Variants in CFHR3 observed in about 807,000 individuals in gnomAD.
CFHR3 encodes complement factor H-related protein 3.
A neutral mutation model predicts 36.0 loss-of-function variants in CFHR3; 22 were observed. The observed-to-expected ratio is 0.61, with a 90% CI of 0.44 to 0.87. CFHR3 has a LOEUF of 0.87. Among genes scored for constraint, CFHR3 ranks in the 40% least tolerant of loss-of-function variants. CFHR3 has a pLI of 0.00. For synonymous variants in CFHR3, 97 were observed against 137.4 expected (o/e 0.71, Z 2.06); for missense variants, 276 against 401.3 (o/e 0.69, Z 2.67).
At chr1:196,779,097 T>C (rs1653841666) in intron 1 of CFHR3, 65 bp from the exon 2 acceptor site, 1 of 1,231,006 alleles carries the variant, frequency 8.1e-7, no homozygotes, top group African/African-American at 1.9e-5. Flanking sequence ...TATCAAAATT[T>C]ATCTCTAATA....
At position 196,787,821 on chromosome 1, in the gene CFHR3, G is replaced by C. The variant is rs574998804; in HGVS notation, c.431-395G>C. ...TGGTAGCAGGGTGTACCGTATCTTT[G>C]CCTGGGAAATGGCATTTGACTTAAT... On this transcript the variant is annotated intron_variant, in intron 3 of 5. Coordinates refer to ENST00000367425, the MANE Select transcript of CFHR3 (RefSeq NM_021023.6). Among the ~76,000 whole-genome samples the C allele has an allele frequency of 1.5e-3, 212 of 136,808 alleles. 27 individuals carry two copies. Among genetic ancestry groups the C allele is most frequent in the Non-Finnish European group, 2.0e-3 (127 of 64,498 alleles). 89.8% of individuals were successfully genotyped at this position (136,808 alleles called of 152,430 possible).
chr1:196,783,160 A>G lies in CFHR3; in HGVS notation c.430+3187A>G, dbSNP rs1296857271. Among the ~76,000 whole-genome samples the G allele has an allele frequency of 1.5e-5, 2 of 136,148 alleles. 1 individual carries two copies. Among genetic ancestry groups the G allele is most frequent in the African/African-American group, 6.2e-5 (2 of 32,270 alleles). 89.3% of individuals were successfully genotyped at this position (136,148 alleles called of 152,430 possible). A position where few individuals can be genotyped will look rare whatever the true frequency, so the allele number is the denominator to read the frequency against. On this transcript the variant is annotated intron_variant, in intron 3 of 5. Coordinates refer to ENST00000367425, the MANE Select transcript of CFHR3 (RefSeq NM_021023.6). The stretch of plus-strand genomic sequence containing the variant: ...GCATCCCCGGGATGAAGACCACTTG[A>G]TCATGGTGGATAAGCTTTTTGATGT...
intron 4 of CFHR3, chr1:196,789,084 A>G (rs439365): frequency 0.22 from 240,913 of 1,106,424 alleles, 52,824 homozygotes; most frequent in East Asian, 0.48. Flanking sequence ...TTCAGTGGCA[A>G]AAGTTGATTT....
At position 196,793,486 on chromosome 1, in the gene CFHR3, G is replaced by C. The variant is rs149081467; in HGVS notation, c.966G>C (p.Gly322=). ...ILSFQAVCRE[G]IVEYPRCE The stretch of plus-strand genomic sequence containing the variant: ...CATTTCAAGCAGTGTGTCGGGAAGG[G>C]ATAGTGGAATACCCCAGATGCGAAT... The change falls in exon 6 of 6, where the codon GGG becomes GGC. Residue 322 remains glycine, a synonymous_variant. Transcript: ENST00000367425. The C allele has an allele frequency of 3.8e-4, 574 of 1,526,184 alleles. 120 individuals carry two copies. In the Middle Eastern group the frequency reaches 9.6e-3, roughly 26 times the overall value. 94.5% of individuals were successfully genotyped at this position (1,526,184 alleles called of 1,614,324 possible).
chr1:196,793,169 T>A lies in CFHR3; in HGVS notation c.797-148T>A, dbSNP rs1654477884. The A allele has an allele frequency of 1.1e-5, 8 of 760,156 alleles. 1 individual carries two copies. Among genetic ancestry groups the A allele is most frequent in the Non-Finnish European group, 1.5e-5 (8 of 530,644 alleles). 47.1% of individuals were successfully genotyped at this position (760,156 alleles called of 1,614,324 possible). ...TGAACTTATTATATTTTTGAAATGC[T>A]AACGTCAGTATGTAGCACAAGTTAA... On this transcript the variant is annotated intron_variant, in intron 5 of 5. Transcript: ENST00000367425.
intron 1 of CFHR3, 76 bp from the exon 2 acceptor site, chr1:196,779,086 A>G (rs1653841151): frequency 8.9e-7 from 1 of 1,122,010 alleles, no homozygotes; most frequent in African/African-American, 2.0e-5. Flanking sequence ...AGAGAAGGTG[A>G]TATCAAAATT....
At chr1:196,789,473 CT>C in intron 4 of CFHR3, 1 of 973,320 alleles carries the variant, frequency 1.0e-6, no homozygotes, top group East Asian at 5.0e-5. Flanking sequence ...AAATGATCTA[CT>C]TTAAAACTTG....
At chr1:196,783,902 C>G (rs1344077745) in intron 3 of CFHR3, among the ~76,000 whole-genome samples, 1 of 134,534 alleles carries the variant, frequency 7.4e-6, no homozygotes, top group Non-Finnish European at 1.6e-5. Context: ...GTTAGGGTGT[C>G]AATTTTGGAT....
At chr1:196,781,766 G>A (rs1306358038) in intron 3 of CFHR3, among the ~76,000 whole-genome samples, 1 of 134,572 alleles carries the variant, frequency 7.4e-6, no homozygotes, top group South Asian at 2.6e-4. Flanking sequence ...TGTTCACTCT[G>A]ATGGTAGTTT....
At chr1:196,788,639 T>C (rs1654303836) in intron 4 of CFHR3, 2 of 1,400,368 alleles carry the variant, frequency 1.4e-6, no homozygotes, top group Non-Finnish European at 1.9e-6. Context: ...AGCAATCTTA[T>C]CATGTACAGA....
chr1:196,781,043 C>T (rs960176824), intron 3 of CFHR3, among the ~76,000 whole-genome samples: 10 of 122,158 alleles, frequency 8.2e-5, no homozygotes, highest in Admixed American at 7.4e-4. Flanking sequence ...TGAGTGAGAA[C>T]ACGTGGTGTT....
At chr1:196,777,777 A>G (rs1437711735) in intron 1 of CFHR3, among the ~76,000 whole-genome samples, 3 of 134,892 alleles carry the variant, frequency 2.2e-5, no homozygotes, top group African/African-American at 9.4e-5. Context: ...ACTTGAGGTC[A>G]GGAGTTGGAG....
At position 196,794,459 on chromosome 1, in the gene CFHR3, T is replaced by C. The variant is rs1439332289; in HGVS notation, c.*946T>C. On this transcript the variant is annotated 3_prime_UTR_variant, in exon 6 of 6. Transcript: ENST00000367425. ...GCCTGGGCAATAGAGTGAGACTCTG[T>C]CTTAAAAATAAATAAATAGGATGCT... The C allele has an allele frequency of 1.1e-5, 4 of 368,856 alleles. No homozygotes were observed. The East Asian group carries it at 2.2e-4, about 21-fold the overall frequency. The allele number at this position is 368,856 out of a possible 1,614,324, so 22.8% of individuals were successfully genotyped here.
Position 196,779,298 on chromosome 1 carries a change from T to C in CFHR3, c.195T>C (p.Ser65=). 2 of 1,529,488 alleles carry C rather than the reference T, an allele frequency of 1.3e-6. No homozygotes were observed. Among genetic ancestry groups the C allele is most frequent in the Non-Finnish European group, 1.8e-6 (2 of 1,130,152 alleles). 94.7% of individuals were successfully genotyped at this position (1,529,488 alleles called of 1,614,324 possible). A position where few individuals can be genotyped will look rare whatever the true frequency, so the allele number is the denominator to read the frequency against. ...CDEHFETPSG[S]YWDYIHCTQN... is the part of the protein sequence containing the mutation. Reference sequence around the variant, plus strand: ...AACATTTTGAGACTCCTTCAGGAAGTTACTGGGATTACATTCATTGCACAC... The same window carrying C: ...AACATTTTGAGACTCCTTCAGGAAGCTACTGGGATTACATTCATTGCACAC... Residue 65 remains serine, a synonymous_variant, in exon 2 of 6, where the codon AGT becomes AGC. Coordinates refer to ENST00000367425, the MANE Select transcript of CFHR3 (RefSeq NM_021023.6).
At chr1:196,775,867 C>G (rs1653697953) in intron 1 of CFHR3, among the ~76,000 whole-genome samples, 1 of 136,906 alleles carries the variant, frequency 7.3e-6, no homozygotes, top group Non-Finnish European at 1.6e-5. Context: ...ATTTATGAGA[C>G]TATCTTTTCC....
intron 4 of CFHR3, chr1:196,788,766 C>T (rs1654309860): frequency 6.9e-7 from 1 of 1,454,542 alleles, no homozygotes; most frequent in Non-Finnish European, 9.1e-7. Flanking sequence ...GCATTCCGTG[C>T]TCACGCTCAG....
In CFHR3 at chr1:196,775,164, T is replaced by C. The variant is rs1653661322; in HGVS notation, c.58+220T>C. Among the ~76,000 whole-genome samples the C allele has an allele frequency of 2.2e-5, 3 of 137,296 alleles. 1 individual carries two copies. The highest frequency in any genetic ancestry group is 2.1e-4 in the Admixed American group (3 of 14,192). 90.1% of individuals were successfully genotyped at this position (137,296 alleles called of 152,430 possible). On this transcript the variant is annotated intron_variant, in intron 1 of 5. Transcript: ENST00000367425. ...AATGAATAATGTTTTATTTGTTTTCTAAGTTCTACAGTGTAAAAGGCATTT... is the reference window on the plus strand; with the variant it reads ...AATGAATAATGTTTTATTTGTTTTCCAAGTTCTACAGTGTAAAAGGCATTT...
At chr1:196,783,431 C>T in intron 3 of CFHR3, among the ~76,000 whole-genome samples, 1 of 131,594 alleles carries the variant, frequency 7.6e-6, no homozygotes, top group East Asian at 2.0e-4. Flanking sequence ...TCCATCTGGT[C>T]CTGGACTCTT....
Position 196,785,681 on chromosome 1 carries a change from T to G in CFHR3, c.431-2535T>G, listed in dbSNP as rs977464480. Among the ~76,000 whole-genome samples, 13 of 137,216 alleles carry G rather than the reference T, an allele frequency of 9.5e-5. 3 individuals are homozygous for G. Among genetic ancestry groups the G allele is most frequent in the Non-Finnish European group, 6.2e-5 (4 of 64,672 alleles). 90.0% of individuals were successfully genotyped at this position (137,216 alleles called of 152,430 possible). A position where few individuals can be genotyped will look rare whatever the true frequency, so the allele number is the denominator to read the frequency against. ...AGCTCCTTTAAGCACTTCTCTGTATTGGTTATTCTACTTATACATTTGTCT... is the reference window on the plus strand; with the variant it reads ...AGCTCCTTTAAGCACTTCTCTGTATGGGTTATTCTACTTATACATTTGTCT... On this transcript the variant is annotated intron_variant, in intron 3 of 5. Transcript: ENST00000367425.
Sources: allele counts gnomAD v4.1 joint callset (sites outside exome capture counted in the v4.1 genomes callset), GRCh38; gene constraint gnomAD v4.1.1; transcripts MANE v1.5; gene names NCBI Gene and HGNC (gene_info 2026-07-23, HGNC 2026-07-21).